The following FBXO22 variants were observed in gnomAD, a reference collection of about 807,000 sequenced individuals.
FBXO22 encodes the protein F-box protein 22.
FBXO22 carries 13 observed loss-of-function variants against 37.2 expected under a neutral mutation model. The observed-to-expected ratio is 0.35, with a 90% CI of 0.23 to 0.56. FBXO22 has a LOEUF of 0.56. Among genes scored for constraint, FBXO22 ranks in the 20% least tolerant of loss-of-function variants. The probability of loss-of-function intolerance (pLI) is 0.87; values close to 1 mark genes in which losing one functional copy is unlikely to be tolerated. For missense variants in FBXO22, 446 were observed against 509.9 expected (o/e 0.87, Z 1.21); for synonymous variants, 189 against 189.1 (o/e 1.00, Z 0.00).
chr15:75,919,957 A>G (rs567514558), intron 5 of FBXO22, among the ~76,000 whole-genome samples: 7 of 152,310 alleles, frequency 4.6e-5, no homozygotes, highest in African/African-American at 1.7e-4. Context: ...TGATGAGGAA[A>G]CTGAACTTTA....
At chr15:75,906,679 C>T (rs1453392462) in intron 2 of FBXO22, among the ~76,000 whole-genome samples, 1 of 152,144 alleles carries the variant, frequency 6.6e-6, no homozygotes, top group Non-Finnish European at 1.5e-5. Context: ...CTCTGGAACT[C>T]TCATTCCAGG....
At chr15:75,907,172 G>C (rs1173545811) in intron 2 of FBXO22, among the ~76,000 whole-genome samples, 1 of 152,176 alleles carries the variant, frequency 6.6e-6, no homozygotes. Context: ...GACAGACTTA[G>C]TTGTGAACCA....
rs778035636 is a variant in FBXO22, at chr15:75,904,551, C to A, written c.201C>A (p.Thr67=). The change falls in exon 2 of 7, where the codon ACC becomes ACA. Residue 67 remains threonine (T), a synonymous_variant. Coordinates refer to ENST00000308275, the MANE Select transcript of FBXO22 (RefSeq NM_147188.3). Reference sequence around the variant, plus strand: ...TATTGCGGACCCATCGGAGCGTAACCTGGATCTCCGCAGGCCTGGCGGAGG... The same window carrying A: ...TATTGCGGACCCATCGGAGCGTAACATGGATCTCCGCAGGCCTGGCGGAGG... ...RRVLRTHRSV[T]WISAGLAEAG... The A allele has an allele frequency of 3.7e-6, 6 of 1,613,874 alleles. No individual in the cohort carries two copies. The highest frequency in any genetic ancestry group is 2.7e-5 in the African/African-American group (2 of 74,934).
chr15:75,913,978 T>C, intron 3 of FBXO22, 132 bp from the exon 4 acceptor site: 1 of 638,706 alleles, frequency 1.6e-6, no homozygotes, highest in Non-Finnish European at 2.7e-6. Context: ...AATCAATGCT[T>C]TTAGACCTTT....
chr15:75,921,304 A>C (rs1900317557), intron 5 of FBXO22, among the ~76,000 whole-genome samples: 1 of 152,238 alleles, frequency 6.6e-6, no homozygotes, highest in Non-Finnish European at 1.5e-5. Flanking sequence ...GTGAAGGCCT[A>C]GCCCTGTATA....
intron 2 of FBXO22, among the ~76,000 whole-genome samples, chr15:75,910,646 G>A (rs1200676108): frequency 6.6e-6 from 1 of 152,052 alleles, no homozygotes; most frequent in African/African-American, 2.4e-5. Context: ...TAAGTTCCTT[G>A]TAGATTCTGG....
At chr15:75,912,366 T>G (rs1210321338) in intron 2 of FBXO22, among the ~76,000 whole-genome samples, 1 of 152,162 alleles carries the variant, frequency 6.6e-6, no homozygotes, top group Admixed American at 6.5e-5. Flanking sequence ...CTTTGTACCT[T>G]TGGTAGAATT....
At chr15:75,929,769 C>A (rs2029944088) in intron 5 of FBXO22, 115 bp from the exon 6 acceptor site, 2 of 1,143,858 alleles carry the variant, frequency 1.7e-6, no homozygotes, top group South Asian at 1.5e-5. Flanking sequence ...ATAGCTTAAG[C>A]CACTAAATTG....
At chr15:75,928,347 C>T (rs1381609374) in intron 5 of FBXO22, among the ~76,000 whole-genome samples, 1 of 152,074 alleles carries the variant, frequency 6.6e-6, no homozygotes, top group Admixed American at 6.6e-5. Context: ...ATGGAATCAA[C>T]CTGAATGCCC....
chr15:75,933,762 G>A lies in FBXO22; in HGVS notation c.*660G>A. On this transcript the variant is annotated 3_prime_UTR_variant, in exon 7 of 7. Transcript: ENST00000308275. ...CCTAGGTCTAAATAGCTAACTAACT[G>A]GTAGACCAGAGTATTACATCATCTT... 1 of 308,248 alleles carries A rather than the reference G, an allele frequency of 3.2e-6. No homozygotes were observed. The highest frequency in any genetic ancestry group is 6.3e-6 in the Non-Finnish European group (1 of 159,284). The allele number at this position is 308,248 out of a possible 1,614,324, so 19.1% of individuals were successfully genotyped here. A position where few individuals can be genotyped will look rare whatever the true frequency, so the allele number is the denominator to read the frequency against.
chr15:75,905,174 A>G (rs1899900191), intron 2 of FBXO22, among the ~76,000 whole-genome samples: 1 of 152,232 alleles, frequency 6.6e-6, no homozygotes, highest in Admixed American at 6.5e-5. Context: ...AACGCTGTGC[A>G]GAACCTTCCC....
In FBXO22 at chr15:75,938,418, T is replaced by C. The variant is rs898648784; in HGVS notation, c.*5316T>C. ...ACCATACAAAGGAACAGGAAAATAATGCGCATTCAAAAGATCAAAATTAAT... is the reference window on the plus strand; with the variant it reads ...ACCATACAAAGGAACAGGAAAATAACGCGCATTCAAAAGATCAAAATTAAT... On this transcript the variant is annotated 3_prime_UTR_variant, in exon 7 of 7. Transcript: ENST00000308275. 1 of 151,974 alleles carries C rather than the reference T, an allele frequency of 6.6e-6. No individual in the cohort carries two copies. Among genetic ancestry groups the C allele is most frequent in the Non-Finnish European group, 1.5e-5 (1 of 67,990 alleles). 9.4% of individuals were successfully genotyped at this position (151,974 alleles called of 1,614,324 possible). A position where few individuals can be genotyped will look rare whatever the true frequency, so the allele number is the denominator to read the frequency against.
chr15:75,908,305 G>A (rs963070036), intron 2 of FBXO22, among the ~76,000 whole-genome samples: 3 of 149,626 alleles, frequency 2.0e-5, no homozygotes, highest in African/African-American at 2.5e-5. Flanking sequence ...ACAGAGTCTC[G>A]CCTGTCGCCC....
rs746363821 is a variant in FBXO22 at position 75,942,351 on chromosome 15, A to G, written c.*9249A>G. On this transcript the variant is annotated 3_prime_UTR_variant, in exon 7 of 7. Transcript: ENST00000308275. ...GACAGAGTGAGACTTTGTCTCAAAAAGTAAAGTAAAAATGTGTCAATATTG... is the reference window on the plus strand; with the variant it reads ...GACAGAGTGAGACTTTGTCTCAAAAGGTAAAGTAAAAATGTGTCAATATTG... 1 of 152,156 alleles carries G rather than the reference A, an allele frequency of 6.6e-6. No homozygotes were observed. The highest frequency in any genetic ancestry group is 1.5e-5 in the Non-Finnish European group (1 of 68,030). The allele number at this position is 152,156 out of a possible 1,614,324, so 9.4% of individuals were successfully genotyped here.
intron 6 of FBXO22, 59 bp from the exon 7 acceptor site, chr15:75,932,626 T>G (rs147680022): frequency 0.023 from 34,342 of 1,490,826 alleles, 499 homozygotes; most frequent in Non-Finnish European, 0.028. Flanking sequence ...AGGATTTTGC[T>G]TCTATACTTA....
chr15:75,904,207 G>C, intron 1 of FBXO22, 104 bp downstream of exon 1: 4 of 1,393,048 alleles, frequency 2.9e-6, no homozygotes, highest in Non-Finnish European at 2.8e-6. Context: ...CACCAGGGCC[G>C]TCCCCGGCTC....
intron 5 of FBXO22, among the ~76,000 whole-genome samples, chr15:75,922,341 C>T (rs1900345637): frequency 6.6e-6 from 1 of 152,156 alleles, no homozygotes; most frequent in Non-Finnish European, 1.5e-5. Flanking sequence ...AATCATAACC[C>T]AAGTGAGTAT....
intron 5 of FBXO22, among the ~76,000 whole-genome samples, chr15:75,926,942 C>G (rs566736140): frequency 6.6e-6 from 1 of 152,290 alleles, no homozygotes; most frequent in African/African-American, 2.4e-5. Flanking sequence ...TGGACATTAT[C>G]AGTGTGGAAT....
Position 75,903,898 on chromosome 15 carries a change from C to A in FBXO22, c.-66C>A, listed in dbSNP as rs145644601. On this transcript the variant is annotated 5_prime_UTR_variant, in exon 1 of 7. Coordinates refer to ENST00000308275, the MANE Select transcript of FBXO22 (RefSeq NM_147188.3). ...TGCTCAGTGCGCGCCGGCCGGGCAACCCTATGCTGGCGTAATCGGGTTCCT... is the reference window on the plus strand; with the variant it reads ...TGCTCAGTGCGCGCCGGCCGGGCAAACCTATGCTGGCGTAATCGGGTTCCT... 4.2e-6 allele frequency: 6 copies of A among 1,427,898 alleles called. No homozygotes were observed. Among genetic ancestry groups the A allele is most frequent in the East Asian group, 2.6e-5 (1 of 37,850 alleles). 88.5% of individuals were successfully genotyped at this position (1,427,898 alleles called of 1,614,324 possible). A position where few individuals can be genotyped will look rare whatever the true frequency, so the allele number is the denominator to read the frequency against.
Sources: allele counts gnomAD v4.1 joint callset (sites outside exome capture counted in the v4.1 genomes callset), GRCh38; gene constraint gnomAD v4.1.1; transcripts MANE v1.5; gene names NCBI Gene and HGNC (gene_info 2026-07-23, HGNC 2026-07-21).